The following TSC22D2 variants were observed in gnomAD, a reference collection of about 807,000 sequenced individuals.
The protein encoded by TSC22D2 is TSC22 domain family protein 2.
In TSC22D2, 5 loss-of-function variants were observed where a neutral mutation model predicts 50.1. That is an observed-to-expected ratio of 0.10 (90% CI 0.05 to 0.21). The LOEUF (loss-of-function observed/expected upper bound fraction) is 0.21, where lower values mean the gene tolerates loss of function less well. Among genes scored for constraint, TSC22D2 ranks in the 10% least tolerant of loss-of-function variants. The pLI is 1.00. For synonymous variants in TSC22D2, 501 were observed against 450.1 expected, an observed-to-expected ratio of 1.11 and a Z score of -1.43; for missense variants, 1,003 against 1,015.5, an observed-to-expected ratio of 0.99 and a Z score of 0.17.
chr3:150,440,173 A>G (rs911728779), intron 1 of TSC22D2, among the ~76,000 whole-genome samples: 5 of 152,176 alleles, frequency 3.3e-5, no homozygotes, highest in Admixed American at 6.5e-5. Flanking sequence ...AAATCTTATT[A>G]CTGACTGGAA....
chr3:150,453,994 T>C (rs1174012671), intron 1 of TSC22D2, among the ~76,000 whole-genome samples: 1 of 152,192 alleles, frequency 6.6e-6, no homozygotes, highest in Admixed American at 6.5e-5. Context: ...ATAATCCTTA[T>C]TTTAAATGAA....
intron 1 of TSC22D2, among the ~76,000 whole-genome samples, chr3:150,433,861 G>C (rs568709437): frequency 7.5e-4 from 114 of 152,224 alleles, no homozygotes; most frequent in African/African-American, 2.7e-3. Flanking sequence ...GATTGCTTGA[G>C]CTCAGGAGTT....
intron 1 of TSC22D2, among the ~76,000 whole-genome samples, chr3:150,443,550 C>T (rs1183400324): frequency 6.6e-6 from 1 of 152,196 alleles, no homozygotes; most frequent in African/African-American, 2.4e-5. Context: ...TTATATGTGA[C>T]CTGATCCTCA....
chr3:150,431,118 G>A (rs1393590645), intron 1 of TSC22D2, among the ~76,000 whole-genome samples: 1 of 150,724 alleles, frequency 6.6e-6, no homozygotes, highest in Non-Finnish European at 1.5e-5. Context: ...CCAGCTACTC[G>A]GGAGGCTGAG....
chr3:150,435,655 A>C (rs367592679), intron 1 of TSC22D2, among the ~76,000 whole-genome samples: 4 of 152,208 alleles, frequency 2.6e-5, no homozygotes, highest in African/African-American at 9.6e-5. Context: ...AAAATTTTCT[A>C]TCAAACTAAG....
intron 1 of TSC22D2, among the ~76,000 whole-genome samples, chr3:150,448,633 A>AT (rs2108097985): frequency 6.6e-6 from 1 of 152,204 alleles, no homozygotes; most frequent in East Asian, 1.9e-4. Context: ...TGCTGTGCAA[A>AT]TTTTACTTTT....
At chr3:150,411,408 C>A in intron 1 of TSC22D2, 100 bp downstream of exon 1, 1 of 1,280,790 alleles carries the variant, frequency 7.8e-7, no homozygotes, top group Non-Finnish European at 1.1e-6. Context: ...AGGCCCTTAG[C>A]ATTTTTAAAT....
At chr3:150,451,892 T>G (rs1721051360) in intron 1 of TSC22D2, among the ~76,000 whole-genome samples, 1 of 152,134 alleles carries the variant, frequency 6.6e-6, no homozygotes, top group Non-Finnish European at 1.5e-5. Context: ...TTATTTTTTT[T>G]AGAGACAGAT....
Position 150,411,204 on chromosome 3 carries a change from G to C in TSC22D2, c.1854G>C (p.Pro618=). ...CTGAAAATAAGCCTGTTGTGAAGCC[G>C]CCTGTTGCAGATTCCCTGGCAAACC... ...LIAENKPVVK[P]PVADSLANPL... Residue 618 remains proline, a synonymous_variant, in exon 1 of 3, where the codon CCG becomes CCC. Coordinates refer to ENST00000688009, the MANE Select transcript of TSC22D2 (RefSeq NM_001303264.2). 6.2e-7 allele frequency: 1 copy of C among 1,614,146 alleles called. No homozygotes were observed. Among genetic ancestry groups the C allele is most frequent in the East Asian group, 2.2e-5 (1 of 44,884 alleles).
intron 1 of TSC22D2, among the ~76,000 whole-genome samples, chr3:150,417,142 C>T (rs947494545): frequency 1.3e-5 from 2 of 151,982 alleles, no homozygotes; most frequent in African/African-American, 4.8e-5. Flanking sequence ...TCCCATAAGC[C>T]TTTCCTAAAA....
At chr3:150,411,340 G>C in intron 1 of TSC22D2, 32 bp downstream of exon 1, 1 of 1,558,814 alleles carries the variant, frequency 6.4e-7, no homozygotes, top group Non-Finnish European at 8.7e-7. Flanking sequence ...ATATTTGATA[G>C]AAATGCTTGG....
rs1281017631 is a variant in TSC22D2, at chr3:150,463,717, A to T, written c.*5081A>T. 1 of 152,218 alleles carries T rather than the reference A, an allele frequency of 6.6e-6. No individual in the cohort carries two copies. The highest frequency in any genetic ancestry group is 1.5e-5 in the Non-Finnish European group (1 of 68,036). The allele number at this position is 152,218 out of a possible 1,614,324, so 9.4% of individuals were successfully genotyped here. On this transcript the variant is annotated 3_prime_UTR_variant, in exon 3 of 3. Transcript: ENST00000688009. ...CTGAAGCAAGTTAAAGTTCACAGAC[A>T]TTCTTGCTTGCCCACCACCCCCCCG...
chr3:150,444,934 C>A (rs1720831079), intron 1 of TSC22D2, among the ~76,000 whole-genome samples: 1 of 152,110 alleles, frequency 6.6e-6, no homozygotes, highest in Non-Finnish European at 1.5e-5. Context: ...TGTTTAAAAG[C>A]AAACAACACG....
intron 1 of TSC22D2, among the ~76,000 whole-genome samples, chr3:150,439,741 G>A (rs907553108): frequency 5.9e-5 from 9 of 152,096 alleles, no homozygotes; most frequent in African/African-American, 2.2e-4. Flanking sequence ...GCTAGTGAAT[G>A]TTTTGTGTCA....
At chr3:150,425,260 C>T (rs895950245) in intron 1 of TSC22D2, among the ~76,000 whole-genome samples, 2 of 152,070 alleles carry the variant, frequency 1.3e-5, no homozygotes, top group Non-Finnish European at 2.9e-5. Context: ...CGCAGTGGCT[C>T]CCGCCTGTAA....
In TSC22D2 at chr3:150,409,221, A is replaced by G. The variant is rs1259069285; in HGVS notation, c.-130A>G. On this transcript the variant is annotated 5_prime_UTR_variant, in exon 1 of 3. Transcript: ENST00000688009. The surrounding 1 kb of genome is among the most constrained non-coding windows in gnomAD (Gnocchi z 7.4). ...GCGCCTGGATCAGCCCGTGACTCTTAACAGCGGCGGGCCTCAGACCCCAGC... is the reference window on the plus strand; with the variant it reads ...GCGCCTGGATCAGCCCGTGACTCTTGACAGCGGCGGGCCTCAGACCCCAGC... 1.9e-6 allele frequency: 2 copies of G among 1,073,206 alleles called. No homozygotes were observed. Among genetic ancestry groups the G allele is most frequent in the Non-Finnish European group, 2.6e-6 (2 of 771,486 alleles). 66.5% of individuals were successfully genotyped at this position (1,073,206 alleles called of 1,614,324 possible).
At chr3:150,455,391 A>G (rs775502035) in intron 1 of TSC22D2, among the ~76,000 whole-genome samples, 18 of 152,210 alleles carry the variant, frequency 1.2e-4, no homozygotes, top group Non-Finnish European at 2.2e-4. Context: ...TGATCCATAA[A>G]TCCTTTCTAG....
Position 150,410,821 on chromosome 3 carries a change from C to T in TSC22D2, c.1471C>T (p.Pro491Ser). ...TCCGCCGCAGATGGGTGGCAGTGGT[C>T]CGCTGTCAGCCGTACCTGGTGGCCC... ...VPPPQMGGSGPLSAVPGGPHA... is the reference protein window; with the variant it reads ...VPPPQMGGSGSLSAVPGGPHA... The change falls in exon 1 of 3, where the codon CCG becomes TCG. Residue 491 changes from proline to serine, a missense_variant. Pro to Ser is a moderately conservative substitution (Grantham distance 74). Transcript: ENST00000688009. The T allele has an allele frequency of 6.2e-7, 1 of 1,613,492 alleles. No individual in the cohort carries two copies. Among genetic ancestry groups the T allele is most frequent in the Non-Finnish European group, 8.5e-7 (1 of 1,179,986 alleles).
intron 2 of TSC22D2, among the ~76,000 whole-genome samples, chr3:150,457,743 C>G (rs1181660577): frequency 1.3e-5 from 2 of 152,188 alleles, no homozygotes; most frequent in Non-Finnish European, 2.9e-5. Context: ...TCAAGTGATT[C>G]TCCTGCCTCA....
Sources: allele counts gnomAD v4.1 joint callset (sites outside exome capture counted in the v4.1 genomes callset), GRCh38; gene constraint gnomAD v4.1.1; non-coding constraint Gnocchi (gnomAD v3.1); transcripts MANE v1.5; gene names NCBI Gene and HGNC (gene_info 2026-07-23, HGNC 2026-07-21).